IL1RAPL2: variants seen among roughly 807,000 people sequenced by gnomAD.
IL1RAPL2 encodes X-linked interleukin-1 receptor accessory protein-like 2.
A neutral mutation model predicts 44.1 loss-of-function variants in IL1RAPL2; 3 were observed. The ratio of observed to expected loss-of-function variants is 0.07; its 90% CI spans 0.03 to 0.18. The LOEUF (loss-of-function observed/expected upper bound fraction) is 0.18. IL1RAPL2 is among the 10% of genes least tolerant of loss of function. IL1RAPL2 has a pLI of 1.00. For synonymous variants in IL1RAPL2, 181 were observed against 178.8 expected (o/e 1.01, Z -0.10); for missense variants, 391 against 496.4 (o/e 0.79, Z 2.02).
intron 6 of IL1RAPL2, among the ~76,000 whole-genome samples, chrX:105,540,818 A>ACATATATTATATAT (rs1569452067): frequency 2.2e-4 from 10 of 44,485 alleles, no homozygotes; most frequent in African/African-American, 1.2e-3. Context: ...TATAATATAT[A>ACATATATTATATAT]CATATATTAT....
intron 5 of IL1RAPL2, among the ~76,000 whole-genome samples, chrX:105,447,108 A>ATAAATAT (rs2035963967): frequency 4.9e-5 from 1 of 20,600 alleles, no homozygotes; most frequent in African/African-American, 2.4e-4. Context: ...TATATATATA[A>ATAAATAT]AAATATATAT....
chrX:104,879,383 A>AAAAAAAAAAAAAAAAAAAAAAAAAAAAAC (rs1396753786), intron 2 of IL1RAPL2, among the ~76,000 whole-genome samples: 1 of 106,353 alleles, frequency 9.4e-6, no homozygotes, highest in African/African-American at 3.5e-5. Flanking sequence ...AAAAAAAAAA[A>AAAAAAAAAAAAAAAAAAAAAAAAAAAAAC]AGAGTGCAGA....
chrX:105,068,829 T>G (rs780918705), intron 2 of IL1RAPL2, among the ~76,000 whole-genome samples: 1 of 112,177 alleles, frequency 8.9e-6, no homozygotes, highest in Non-Finnish European at 1.9e-5. Flanking sequence ...AAATGGTTGA[T>G]AGGAAGCAAA....
chrX:104,798,454 G>C (rs1833017), intron 2 of IL1RAPL2, among the ~76,000 whole-genome samples: 57,304 of 105,965 alleles, frequency 0.54, 12,899 homozygotes, highest in African/African-American at 0.81. Flanking sequence ...GTCAGGAGAT[G>C]GAGACCATCC....
At chrX:104,957,803 C>T (rs772010059) in intron 2 of IL1RAPL2, among the ~76,000 whole-genome samples, 43 of 111,845 alleles carry the variant, frequency 3.8e-4, no homozygotes, top group Non-Finnish European at 6.4e-4. Context: ...CTCTTCTGGG[C>T]TGGGCACAGT....
chrX:104,671,341 G>C (rs1261883479), intron 2 of IL1RAPL2, among the ~76,000 whole-genome samples: 6 of 111,380 alleles, frequency 5.4e-5, no homozygotes, highest in African/African-American at 2.0e-4. Flanking sequence ...AAAAAGAACT[G>C]TTCATATTCC....
At chrX:105,216,175 T>C (rs1169048734) in intron 3 of IL1RAPL2, among the ~76,000 whole-genome samples, 5 of 111,458 alleles carry the variant, frequency 4.5e-5, no homozygotes, top group Admixed American at 1.9e-4. Context: ...AAATTGTCTC[T>C]GTTTGCAGAC....
At chrX:105,733,077 T>A (rs759580533) in intron 7 of IL1RAPL2, among the ~76,000 whole-genome samples, 60 of 111,959 alleles carry the variant, frequency 5.4e-4, no homozygotes, top group Admixed American at 3.0e-3. Context: ...TTCCCTGTTT[T>A]AGTTTGTCTG....
chrX:105,285,905 A>G (rs1333268658), intron 5 of IL1RAPL2, among the ~76,000 whole-genome samples: 4 of 112,099 alleles, frequency 3.6e-5, no homozygotes, highest in Admixed American at 2.8e-4. Flanking sequence ...ATGTTCTTCA[A>G]TAACTCTTAG....
chrX:105,025,321 T>G (rs1220115104), intron 2 of IL1RAPL2, among the ~76,000 whole-genome samples: 2 of 111,627 alleles, frequency 1.8e-5, no homozygotes, highest in Non-Finnish European at 3.8e-5. Context: ...TAGAACCAGC[T>G]TTTTTGTTTT....
intron 2 of IL1RAPL2, among the ~76,000 whole-genome samples, chrX:105,022,203 A>G (rs1218234626): frequency 9.0e-6 from 1 of 111,119 alleles, no homozygotes; most frequent in African/African-American, 3.3e-5. Context: ...TTTAACATAC[A>G]GATTTGAAAT....
chrX:105,261,573 G>A (rs1323585599), intron 4 of IL1RAPL2, among the ~76,000 whole-genome samples: 1 of 111,381 alleles, frequency 9.0e-6, no homozygotes, highest in Admixed American at 9.6e-5. Flanking sequence ...TACTGACTGG[G>A]TAAAAAGGAA....
intron 2 of IL1RAPL2, among the ~76,000 whole-genome samples, chrX:104,982,629 CAG>C (rs1222822759): frequency 9.0e-6 from 1 of 110,755 alleles, no homozygotes; most frequent in East Asian, 2.8e-4. Flanking sequence ...AGAAAACAAA[CAG>C]AAAAAAAATA....
chrX:105,016,754 T>C (rs924920760), intron 2 of IL1RAPL2, among the ~76,000 whole-genome samples: 5 of 111,435 alleles, frequency 4.5e-5, no homozygotes, highest in African/African-American at 1.6e-4. Flanking sequence ...ATGTTCATCA[T>C]GGATATTGAC....
intron 2 of IL1RAPL2, among the ~76,000 whole-genome samples, chrX:104,929,595 C>T (rs1234933736): frequency 8.9e-6 from 1 of 111,862 alleles, no homozygotes; most frequent in Non-Finnish European, 1.9e-5. Flanking sequence ...ATTTGTCTGA[C>T]TCAAATCCAG....
chrX:105,210,461 G>A (rs2033799165), intron 3 of IL1RAPL2, among the ~76,000 whole-genome samples: 1 of 110,419 alleles, frequency 9.1e-6, no homozygotes, highest in Non-Finnish European at 1.9e-5. Flanking sequence ...GTGGACATTC[G>A]GCAATATCTG....
At chrX:104,843,931 A>G (rs955475228) in intron 2 of IL1RAPL2, among the ~76,000 whole-genome samples, 1 of 110,697 alleles carries the variant, frequency 9.0e-6, no homozygotes, top group African/African-American at 3.3e-5. Flanking sequence ...AGAATGTGTG[A>G]GATTTAATTT....
intron 6 of IL1RAPL2, among the ~76,000 whole-genome samples, chrX:105,509,148 C>T (rs2036452418): frequency 8.9e-6 from 1 of 111,794 alleles, no homozygotes; most frequent in African/African-American, 3.3e-5. Flanking sequence ...ATTATTACCA[C>T]AAACAAATAT....
chrX:105,230,286 G>T (rs962577500), intron 3 of IL1RAPL2, among the ~76,000 whole-genome samples: 2 of 110,279 alleles, frequency 1.8e-5, no homozygotes, highest in African/African-American at 6.6e-5. Flanking sequence ...TGGCTCTCTG[G>T]TATTAGACCT....
Sources: allele counts gnomAD v4.1 joint callset (sites outside exome capture counted in the v4.1 genomes callset), GRCh38; gene constraint gnomAD v4.1.1; transcripts MANE v1.5; gene names NCBI Gene and HGNC (gene_info 2026-07-23, HGNC 2026-07-21).